The following EIF4E3 variants were observed in gnomAD, a reference collection of about 807,000 sequenced individuals.
EIF4E3 encodes the protein eukaryotic translation initiation factor 4E type 3.
Under a neutral mutation model 31.7 loss-of-function variants are expected in EIF4E3, and 26 were observed. That is an observed-to-expected ratio of 0.82 (90% CI 0.60 to 1.14). The LOEUF is 1.14. Ranked by LOEUF, EIF4E3 falls within the 50% of genes most tolerant of loss-of-function variation. The pLI is 0.00. For missense variants in EIF4E3, 304 were observed against 270.9 expected, an observed-to-expected ratio of 1.12 and a Z score of -0.86; for synonymous variants, 128 against 107.7, an observed-to-expected ratio of 1.19 and a Z score of -1.17.
chr3:71,689,945 A>C, intron 6 of EIF4E3, 65 bp downstream of exon 6: 1 of 1,364,184 alleles, frequency 7.3e-7, no homozygotes, highest in Non-Finnish European at 9.6e-7. Flanking sequence ...TTTGCAAAAC[A>C]GTTTCTATCT....
chr3:71,710,771 T>G (rs1165888976), intron 1 of EIF4E3, among the ~76,000 whole-genome samples: 2 of 152,200 alleles, frequency 1.3e-5, no homozygotes, highest in Non-Finnish European at 2.9e-5. Flanking sequence ...AATCACATTT[T>G]AAAACATACC....
intron 1 of EIF4E3, among the ~76,000 whole-genome samples, chr3:71,750,622 A>T (rs1042622675): frequency 2.5e-4 from 38 of 152,192 alleles, no homozygotes; most frequent in East Asian, 3.9e-4. Flanking sequence ...GATGGACTCT[A>T]AACACAGAGT....
intron 2 of EIF4E3, among the ~76,000 whole-genome samples, chr3:71,707,599 A>AT (rs1156914716): frequency 1.3e-5 from 2 of 152,142 alleles, no homozygotes; most frequent in South Asian, 2.1e-4. Context: ...TTTATCAGCC[A>AT]TTTTTTTCAC....
chr3:71,725,486 G>C, upstream of EIF4E3: 1 of 183,234 alleles, frequency 5.5e-6, no homozygotes, highest in Non-Finnish European at 7.4e-6. The surrounding 1 kb of genome is among the most constrained non-coding windows in gnomAD (Gnocchi z 6.1). Flanking sequence ...CGGGCTAGCC[G>C]CCCGCCGCCC....
At chr3:71,697,550 CCT>C (rs1273834166) in intron 3 of EIF4E3, among the ~76,000 whole-genome samples, 16 of 152,086 alleles carry the variant, frequency 1.1e-4, no homozygotes, top group African/African-American at 2.2e-4. Flanking sequence ...TTAACCATCC[CCT>C]GTTTATCACC....
chr3:71,731,627 G>A (rs2049707464), intron 1 of EIF4E3, among the ~76,000 whole-genome samples: 1 of 152,134 alleles, frequency 6.6e-6, no homozygotes, highest in Non-Finnish European at 1.5e-5. Flanking sequence ...AAACAAACTG[G>A]GTATACAGCA....
At chr3:71,713,953 G>A (rs2049420054) in intron 1 of EIF4E3, among the ~76,000 whole-genome samples, 1 of 152,122 alleles carries the variant, frequency 6.6e-6, no homozygotes, top group South Asian at 2.1e-4. Flanking sequence ...GTTCACACCT[G>A]TAATCTCTGC....
chr3:71,729,676 C>G (rs555319621), upstream of EIF4E3, among the ~76,000 whole-genome samples: 5 of 152,262 alleles, frequency 3.3e-5, no homozygotes, highest in South Asian at 6.2e-4. Context: ...TTCATTCATT[C>G]CACACTCAAT....
At chr3:71,687,977 A>C (rs971070277) in intron 6 of EIF4E3, among the ~76,000 whole-genome samples, 1 of 152,190 alleles carries the variant, frequency 6.6e-6, no homozygotes, top group African/African-American at 2.4e-5. Flanking sequence ...TGCTGAGTAA[A>C]GGACTGCCTG....
At position 71,684,464 on chromosome 3, in the gene EIF4E3, G is replaced by GT. The variant is rs955380972; in HGVS notation, c.*217dup. ...GCCAAAAAAAAAGTTTTTTGTGTGT[G>GT]TTTTTTTTAAAAAGCAAGTAATGTG... On this transcript the variant is annotated 3_prime_UTR_variant, in exon 7 of 7. Transcript: ENST00000425534. The GT allele has an allele frequency of 1.3e-4, 47 of 374,120 alleles. No homozygotes were observed. The highest frequency in any genetic ancestry group is 1.6e-4 in the Non-Finnish European group (33 of 212,128). 23.2% of individuals were successfully genotyped at this position (374,120 alleles called of 1,614,324 possible). A position where few individuals can be genotyped will look rare whatever the true frequency, so the allele number is the denominator to read the frequency against.
At chr3:71,697,317 G>C (rs2049153323) in intron 3 of EIF4E3, among the ~76,000 whole-genome samples, 1 of 152,106 alleles carries the variant, frequency 6.6e-6, no homozygotes, top group Admixed American at 6.5e-5. Context: ...CACCATATCT[G>C]GCCTACATGT....
upstream of EIF4E3, chr3:71,725,425 G>C (rs1289108020): frequency 1.0e-6 from 1 of 968,156 alleles, no homozygotes; most frequent in Non-Finnish European, 1.2e-6. This position sits in a 1 kb window ranked among gnomAD's most constrained non-coding sequence, Gnocchi z 6.1. Context: ...GAGCGCGGCT[G>C]AGTCACCCCC....
At chr3:71,742,422 C>A (rs1267998191) in intron 1 of EIF4E3, among the ~76,000 whole-genome samples, 1 of 151,968 alleles carries the variant, frequency 6.6e-6, no homozygotes, top group Non-Finnish European at 1.5e-5. Context: ...ACATAAACCA[C>A]CAAAATGTAC....
intron 1 of EIF4E3, among the ~76,000 whole-genome samples, chr3:71,744,816 A>C (rs1484802677): frequency 2.6e-5 from 4 of 152,226 alleles, no homozygotes; most frequent in Non-Finnish European, 4.4e-5. Flanking sequence ...CCACTTGAAA[A>C]TGAAACAAAA....
downstream of EIF4E3, among the ~76,000 whole-genome samples, chr3:71,671,789 A>G (rs1358301814): frequency 6.6e-6 from 1 of 151,136 alleles, no homozygotes; most frequent in African/African-American, 2.4e-5. Flanking sequence ...ATTGTGCTAT[A>G]AAGGTATAAA....
At chr3:71,668,593 C>A in the EIF4E3 span, among the ~76,000 whole-genome samples, 1 of 151,274 alleles carries the variant, frequency 6.6e-6, no homozygotes, top group Non-Finnish European at 1.5e-5. Flanking sequence ...AGGATATGAA[C>A]AGACACTTCT....
chr3:71,666,711 C>T, the EIF4E3 span, among the ~76,000 whole-genome samples: 11 of 152,064 alleles, frequency 7.2e-5, no homozygotes, highest in African/African-American at 1.7e-4. Context: ...CTGAGGTGGG[C>T]GGATTGCCTG....
At chr3:71,722,271 G>A (rs2049563395) in intron 1 of EIF4E3, among the ~76,000 whole-genome samples, 1 of 152,162 alleles carries the variant, frequency 6.6e-6, no homozygotes, top group Non-Finnish European at 1.5e-5. Flanking sequence ...GTATTACATT[G>A]GACATCCATG....
chr3:71,752,313 C>T (rs1322954716), intron 1 of EIF4E3, among the ~76,000 whole-genome samples: 3 of 152,112 alleles, frequency 2.0e-5, no homozygotes, highest in Non-Finnish European at 2.9e-5. Context: ...CTAGGTTTAC[C>T]GGCTCTGCTC....
Sources: gnomAD v4.1 joint callset for allele counts (sites outside exome capture counted in the v4.1 genomes callset) on GRCh38, gnomAD v4.1.1 for gene constraint, Gnocchi (gnomAD v3.1) non-coding constraint, MANE v1.5 for transcripts, NCBI Gene and HGNC (gene_info 2026-07-23, HGNC 2026-07-21) for gene names.